GIGYF2: variants seen among roughly 807,000 people sequenced by gnomAD.
GIGYF2 encodes GRB10-interacting GYF protein 2.
In GIGYF2, 25 loss-of-function variants were observed where a neutral mutation model predicts 208.1. That is an observed-to-expected ratio of 0.12 (90% CI 0.09 to 0.17). The LOEUF is 0.17. GIGYF2 is among the 10% of genes least tolerant of loss of function. The probability of loss-of-function intolerance (pLI) is 1.00; values close to 1 mark genes in which losing one functional copy is unlikely to be tolerated. For synonymous variants in GIGYF2, 534 were observed against 543.8 expected, an observed-to-expected ratio of 0.98 and a Z score of 0.25; for missense variants, 1,302 against 1,579.4, an observed-to-expected ratio of 0.82 and a Z score of 2.98.
At chr2:232,740,421 T>C (rs1697929267) in intron 3 of GIGYF2, among the ~76,000 whole-genome samples, 1 of 152,246 alleles carries the variant, frequency 6.6e-6, no homozygotes, top group African/African-American at 2.4e-5. Context: ...GAGTTTCCTC[T>C]GTCTCATCTC....
chr2:232,752,528 A>T (rs182870178), intron 5 of GIGYF2, among the ~76,000 whole-genome samples: 1 of 152,182 alleles, frequency 6.6e-6, no homozygotes, highest in Non-Finnish European at 1.5e-5. Flanking sequence ...ATTTGACATC[A>T]AAGAAGTTAC....
intron 14 of GIGYF2, among the ~76,000 whole-genome samples, chr2:232,802,782 C>G (rs1700436506): frequency 6.6e-6 from 1 of 152,024 alleles, no homozygotes; most frequent in Non-Finnish European, 1.5e-5. Context: ...GGTAATCTTG[C>G]TTCCTTTTCA....
At chr2:232,780,598 A>G (rs1243683841) in intron 8 of GIGYF2, among the ~76,000 whole-genome samples, 1 of 152,230 alleles carries the variant, frequency 6.6e-6, no homozygotes, top group Non-Finnish European at 1.5e-5. Context: ...CAGTGCAAGG[A>G]TTCACAGCCC....
rs1697395883 is a variant in GIGYF2, at chr2:232,730,133, C to G, written c.-43-5022C>G. 2.0e-6 allele frequency: 3 copies of G among 1,498,932 alleles called. No homozygotes were observed. In the Admixed American group the frequency reaches 5.0e-5, roughly 25 times the overall value. 92.9% of individuals were successfully genotyped at this position (1,498,932 alleles called of 1,614,324 possible). On this transcript the variant is annotated intron_variant, in intron 2 of 28. Transcript: ENST00000373563. ...ATGGCACATACCCCTCGATGTAGCT[C>G]TTGTCCGCCAGGTAATTGTTGAGCA...
chr2:232,850,834 A>G (rs1690284609), intron 28 of GIGYF2, among the ~76,000 whole-genome samples: 1 of 152,150 alleles, frequency 6.6e-6, no homozygotes, highest in Non-Finnish European at 1.5e-5. Context: ...GTTCATAATC[A>G]CTCTATGTAT....
In GIGYF2 at chr2:232,846,322, C is replaced by T. The variant is rs116335923; in HGVS notation, c.3460+436C>T. On this transcript the variant is annotated intron_variant, in intron 26 of 28. Transcript: ENST00000373563. ...AATGGGAATTGTGATAAAGCAAGTA[C>T]ACTTATTTTGTGTAAGATAAAACTA... is the stretch of plus-strand genomic sequence containing the variant. Among the ~76,000 whole-genome samples, 413 of 152,288 alleles carry T rather than the reference C, an allele frequency of 2.7e-3. 4 individuals carry two copies. Among genetic ancestry groups the T allele is most frequent in the African/African-American group, 9.7e-3 (403 of 41,564 alleles).
chr2:232,791,296 G>A lies in GIGYF2; in HGVS notation c.1132G>A (p.Ala378Thr). Residue 378 changes from alanine to threonine, a missense_variant, in exon 12 of 29, where the codon GCT becomes ACT. Ala to Thr is a moderately conservative substitution (Grantham distance 58). Around this residue, in one of 8 missense-constraint regions of GIGYF2, gnomAD observed 235 missense variants for 218.8 expected, o/e 1.07. Transcript: ENST00000373563. ...EETPQTSSSS[A>T]RPGTPSDHQS... is the part of the protein sequence containing the mutation. Reference sequence around the variant, plus strand: ...AACTCCCCAGACCTCATCATCATCTGCTAGACCAGGTACTCCTTCAGACCA... The same window carrying A: ...AACTCCCCAGACCTCATCATCATCTACTAGACCAGGTACTCCTTCAGACCA... 6.2e-7 allele frequency: 1 copy of A among 1,614,038 alleles called. No individual in the cohort carries two copies. Among genetic ancestry groups the A allele is most frequent in the South Asian group, 1.1e-5 (1 of 91,090 alleles).
At chr2:232,758,728 A>C (rs538480705) in intron 6 of GIGYF2, among the ~76,000 whole-genome samples, 10 of 152,070 alleles carry the variant, frequency 6.6e-5, no homozygotes, top group African/African-American at 2.2e-4. Flanking sequence ...GCTATTTTTT[A>C]TATTTATATG....
At chr2:232,807,403 G>A (rs1700592309) in intron 15 of GIGYF2, among the ~76,000 whole-genome samples, 2 of 152,156 alleles carry the variant, frequency 1.3e-5, no homozygotes, top group African/African-American at 4.8e-5. Flanking sequence ...AACTAGCCGG[G>A]TATGGTGGCA....
chr2:232,710,235 A>G (rs1311426117), intron 2 of GIGYF2, among the ~76,000 whole-genome samples: 2 of 152,112 alleles, frequency 1.3e-5, no homozygotes, highest in African/African-American at 4.8e-5. Flanking sequence ...CTGGGATTAC[A>G]GGTGTGAGCC....
intron 5 of GIGYF2, among the ~76,000 whole-genome samples, chr2:232,754,409 A>G (rs980714212): frequency 2.0e-5 from 3 of 152,192 alleles, no homozygotes; most frequent in Admixed American, 2.0e-4. Context: ...TAATTTTTAG[A>G]AATTGCCTTC....
At position 232,823,090 on chromosome 2, in the gene GIGYF2, G is replaced by A. The variant is rs188319046; in HGVS notation, c.2529+3105G>A. Among the ~76,000 whole-genome samples the A allele has an allele frequency of 2.0e-5, 3 of 152,114 alleles. No individual in the cohort carries two copies. In the East Asian group the frequency reaches 5.8e-4, roughly 29 times the overall value. On this transcript the variant is annotated intron_variant, in intron 21 of 28. Transcript: ENST00000373563. ...GGTTGTAAAATGCTTTATCTGCATT[G>A]ATTGATGATCATTTAGTTTTTTCAT...
chr2:232,819,442 T>G (rs1432137536), intron 20 of GIGYF2, among the ~76,000 whole-genome samples: 5 of 152,158 alleles, frequency 3.3e-5, no homozygotes, highest in Admixed American at 2.0e-4. Context: ...CTATGTTGAT[T>G]TGCCCTCTCT....
intron 2 of GIGYF2, among the ~76,000 whole-genome samples, chr2:232,733,127 C>T (rs1273327351): frequency 1.3e-5 from 2 of 151,898 alleles, no homozygotes; most frequent in Non-Finnish European, 1.5e-5. Context: ...TGTGGTGGCA[C>T]GTGCCTGTAG....
chr2:232,757,779 C>G (rs550521824), intron 6 of GIGYF2, among the ~76,000 whole-genome samples: 5 of 149,286 alleles, frequency 3.3e-5, no homozygotes, highest in African/African-American at 1.2e-4. Flanking sequence ...ACCCCCCGCC[C>G]CCCGCCATTA....
chr2:232,702,657 C>G (rs141911301), intron 1 of GIGYF2, among the ~76,000 whole-genome samples: 2 of 152,264 alleles, frequency 1.3e-5, no homozygotes, highest in East Asian at 3.9e-4. Flanking sequence ...ATTGCCCCAA[C>G]AGAGCATTAA....
rs1356893900 is a variant in GIGYF2 at position 232,859,095 on chromosome 2, C to G, written c.*2235C>G. 6.6e-6 allele frequency: 1 copy of G among 152,352 alleles called. No individual in the cohort carries two copies. Among genetic ancestry groups the G allele is most frequent in the Non-Finnish European group, 1.5e-5 (1 of 68,156 alleles). The allele number at this position is 152,352 out of a possible 1,614,324, so 9.4% of individuals were successfully genotyped here. On this transcript the variant is annotated 3_prime_UTR_variant, in exon 29 of 29. Coordinates refer to ENST00000373563, the MANE Select transcript of GIGYF2 (RefSeq NM_001103146.3). ...TTGCTTCTATCTGAGGAATTTCCCA[C>G]TTAGTAGAAAGAAACACTCTTCCCT...
chr2:232,756,357 T>A, intron 6 of GIGYF2, 23 bp downstream of exon 6: 1 of 1,238,284 alleles, frequency 8.1e-7, no homozygotes, highest in Non-Finnish European at 1.2e-6. Flanking sequence ...ATGAAAAAAG[T>A]AATAATGGAG....
Position 232,806,652 on chromosome 2 carries a change from C to G in GIGYF2, c.1801C>G (p.His601Asp). The part of the protein sequence containing the change: ...PFSPGPAPPP[H>D]MGELDQERLT... ...TTCTCCAGGTCCAGCTCCCCCTCCT[C>G]ATATGGTAAGTACCTTTCACCTCAC... Residue 601 changes from histidine to aspartate, a missense_variant, in exon 15 of 29, where the codon CAT becomes GAT. Physicochemically the swap from His to Asp is moderately conservative, Grantham distance 81. Coordinates refer to ENST00000373563, the MANE Select transcript of GIGYF2 (RefSeq NM_001103146.3). This position sits in a 1 kb window ranked among gnomAD's most constrained non-coding sequence, Gnocchi z 4.0. 6.2e-7 allele frequency: 1 copy of G among 1,608,170 alleles called. No individual in the cohort carries two copies. The highest frequency in any genetic ancestry group is 8.5e-7 in the Non-Finnish European group (1 of 1,174,576).
Sources: gnomAD v4.1 joint callset for allele counts (sites outside exome capture counted in the v4.1 genomes callset) on GRCh38, gnomAD v4.1.1 for gene constraint, gnomAD v4.1.1 regional missense constraint, Gnocchi (gnomAD v3.1) non-coding constraint, MANE v1.5 for transcripts, NCBI Gene and HGNC (gene_info 2026-07-23, HGNC 2026-07-21) for gene names.